SLC26A5: variants seen among roughly 807,000 people sequenced by gnomAD.
The protein encoded by SLC26A5 is solute carrier family 26 member 5.
Under a neutral mutation model 81.0 loss-of-function variants are expected in SLC26A5, and 51 were observed. That is an observed-to-expected ratio of 0.63 (90% CI 0.50 to 0.80). The LOEUF is 0.80. Ranked by LOEUF, SLC26A5 falls within the 30% of genes least tolerant of loss-of-function variation. The probability of loss-of-function intolerance (pLI) is 0.00; values close to 1 mark genes in which losing one functional copy is unlikely to be tolerated. For synonymous variants in SLC26A5, 325 were observed against 332.8 expected (o/e 0.98, Z 0.25); for missense variants, 771 against 905.8 (o/e 0.85, Z 1.91).
intron 9 of SLC26A5, among the ~76,000 whole-genome samples, chr7:103,394,246 A>C (rs1428953260): frequency 6.6e-6 from 1 of 152,248 alleles, no homozygotes; most frequent in Non-Finnish European, 1.5e-5. Context: ...CATGCTTTAC[A>C]TAAGTCGTCT....
intron 9 of SLC26A5, among the ~76,000 whole-genome samples, chr7:103,394,630 A>G (rs1822941250): frequency 6.6e-6 from 1 of 152,206 alleles, no homozygotes; most frequent in Admixed American, 6.5e-5. Context: ...CAAGTACAAA[A>G]CCATGAAGAA....
chr7:103,366,471 A>G (rs571265588), intron 19 of SLC26A5, among the ~76,000 whole-genome samples: 4 of 152,226 alleles, frequency 2.6e-5, no homozygotes, highest in African/African-American at 7.2e-5. Flanking sequence ...AAGTACTTGC[A>G]TTATACTGAT....
At chr7:103,379,152 A>G in intron 16 of SLC26A5, 91 bp downstream of exon 16, 1 of 859,262 alleles carries the variant, frequency 1.2e-6, no homozygotes, top group Non-Finnish European at 2.0e-6. Context: ...GCGAGAATGA[A>G]ATAGTATATA....
chr7:103,429,692 G>A (rs923289929), intron 2 of SLC26A5, among the ~76,000 whole-genome samples: 2 of 152,136 alleles, frequency 1.3e-5, no homozygotes, highest in Non-Finnish European at 2.9e-5. Context: ...AGAGCAAAAG[G>A]CCCTAAGACC....
At chr7:103,374,616 T>G (rs778468339) in intron 19 of SLC26A5, 24 bp from the exon 20 acceptor site, 2 of 1,609,216 alleles carry the variant, frequency 1.2e-6, no homozygotes, top group Non-Finnish European at 1.7e-6. Flanking sequence ...AAAAGAAAAT[T>G]AGTCCACACT....
At chr7:103,437,995 A>G (rs1359525216) in intron 2 of SLC26A5, among the ~76,000 whole-genome samples, 3 of 152,306 alleles carry the variant, frequency 2.0e-5, no homozygotes, top group East Asian at 1.9e-4. Flanking sequence ...CTCATGTTCT[A>G]TATGAAGTTC....
intron 8 of SLC26A5, among the ~76,000 whole-genome samples, chr7:103,405,956 C>T (rs1824013879): frequency 6.6e-6 from 1 of 152,180 alleles, no homozygotes; most frequent in East Asian, 1.9e-4. Flanking sequence ...GTTGGACCTT[C>T]CAGGTGGCTT....
downstream of SLC26A5, among the ~76,000 whole-genome samples, chr7:103,373,810 A>G (rs574062667): frequency 6.6e-6 from 1 of 152,346 alleles, no homozygotes; most frequent in East Asian, 1.9e-4. Flanking sequence ...ATGGAAAAAG[A>G]TCTGGAAGGA....
chr7:103,395,535 T>C (rs935804370), intron 9 of SLC26A5, among the ~76,000 whole-genome samples: 19 of 145,232 alleles, frequency 1.3e-4, no homozygotes, highest in Non-Finnish European at 2.4e-4. Flanking sequence ...TTTTTTTTTT[T>C]TTTTTGAGAT....
chr7:103,379,157 T>C, intron 16 of SLC26A5, 86 bp downstream of exon 16: 1 of 881,116 alleles, frequency 1.1e-6, no homozygotes, highest in East Asian at 2.4e-5. Flanking sequence ...AATGAAATAG[T>C]ATATACAAAG....
chr7:103,406,323 G>A (rs1586304257), intron 8 of SLC26A5, among the ~76,000 whole-genome samples: 2 of 152,128 alleles, frequency 1.3e-5, no homozygotes, highest in East Asian at 3.9e-4. Flanking sequence ...GGCACCCAGG[G>A]GAGTCTCCTA....
chr7:103,425,216 T>C (rs1825630533), intron 2 of SLC26A5, among the ~76,000 whole-genome samples: 2 of 152,196 alleles, frequency 1.3e-5, no homozygotes, highest in South Asian at 2.1e-4. Context: ...GCAATTATAT[T>C]TATGTATTAA....
chr7:103,376,865 G>A lies in SLC26A5; in HGVS notation c.1987-3C>T, dbSNP rs372122069. On this transcript the variant is annotated splice_polypyrimidine_tract_variant and splice_region_variant and intron_variant, in intron 18 of 19. Coordinates refer to ENST00000306312, the MANE Select transcript of SLC26A5 (RefSeq NM_198999.3). ...ACGTCTCCATATTCTTTTACAATCT[G>A]TAATAATGTTGAAATAAAATTTAGT... 1.3e-5 allele frequency: 21 copies of A among 1,588,570 alleles called. No homozygotes were observed. The highest frequency in any genetic ancestry group is 2.2e-5 in the East Asian group (1 of 44,634).
intron 14 of SLC26A5, among the ~76,000 whole-genome samples, chr7:103,384,961 CCTAGAGT>C (rs1412532760): frequency 6.6e-6 from 1 of 152,080 alleles, no homozygotes; most frequent in Non-Finnish European, 1.5e-5. Context: ...CTGCACTGTC[CCTAGAGT>C]CTAGCATCTC....
At chr7:103,432,511 T>A (rs545166749) in intron 2 of SLC26A5, among the ~76,000 whole-genome samples, 32 of 152,342 alleles carry the variant, frequency 2.1e-4, no homozygotes, top group Admixed American at 9.1e-4. Flanking sequence ...ATTAATTTTT[T>A]AAAAATATTT....
intron 12 of SLC26A5, among the ~76,000 whole-genome samples, chr7:103,390,150 C>G (rs1269048398): frequency 6.6e-6 from 1 of 151,994 alleles, no homozygotes; most frequent in African/African-American, 2.4e-5. Context: ...CATAGAAGGT[C>G]AAAGAGAGAA....
At chr7:103,364,577 T>A (rs552271210) in intron 19 of SLC26A5, among the ~76,000 whole-genome samples, 1 of 152,154 alleles carries the variant, frequency 6.6e-6, no homozygotes, top group African/African-American at 2.4e-5. Flanking sequence ...ACCCAGCTAA[T>A]TTTTCTATTT....
In SLC26A5 at chr7:103,362,486, G is replaced by A. The variant is rs1057109057; in HGVS notation, c.2042-9560C>T. The A allele has an allele frequency of 9.3e-6, 13 of 1,404,218 alleles. No homozygotes were observed. The African/African-American group carries it at 1.5e-4, about 16-fold the overall frequency. 87.0% of individuals were successfully genotyped at this position (1,404,218 alleles called of 1,614,324 possible). A position where few individuals can be genotyped will look rare whatever the true frequency, so the allele number is the denominator to read the frequency against. The stretch of plus-strand genomic sequence containing the variant: ...CTCCCTCCTCAAAGGTTTGATTGCT[G>A]TTGGATAGGTTGTTTGCGACATTAG... On this transcript the variant is annotated intron_variant, in intron 19 of 19. Coordinates refer to the SLC26A5 transcript ENST00000339444.
intron 9 of SLC26A5, 147 bp downstream of exon 9, chr7:103,397,785 A>AAATG (rs1823262420): frequency 1.5e-6 from 1 of 647,764 alleles, no homozygotes; most frequent in Non-Finnish European, 2.7e-6. Flanking sequence ...AATAAAAATA[A>AAATG]AATGCACCCA....
Sources: gnomAD v4.1 joint callset for allele counts (sites outside exome capture counted in the v4.1 genomes callset) on GRCh38, gnomAD v4.1.1 for gene constraint, MANE v1.5 for transcripts, NCBI Gene and HGNC (gene_info 2026-07-23, HGNC 2026-07-21) for gene names.